MAPK6: variants seen among roughly 807,000 people sequenced by gnomAD.
MAPK6 encodes mitogen-activated protein kinase 6.
In MAPK6, 19 loss-of-function variants were observed where a neutral mutation model predicts 59.3. The observed-to-expected ratio is 0.32, with a 90% CI of 0.22 to 0.47. The LOEUF is 0.47. Ranked by LOEUF, MAPK6 falls within the 20% of genes least tolerant of loss-of-function variation. The pLI, the probability that MAPK6 is intolerant of heterozygous loss-of-function variation, is 1.00. For synonymous variants in MAPK6, 316 were observed against 290.3 expected (o/e 1.09, Z -0.90); for missense variants, 724 against 847.9 (o/e 0.85, Z 1.81).
intron 1 of MAPK6, among the ~76,000 whole-genome samples, chr15:52,025,036 C>T (rs758762281): frequency 3.3e-5 from 5 of 151,910 alleles, no homozygotes; most frequent in African/African-American, 1.2e-4. Context: ...CACTGCTAAA[C>T]GATGCATACA....
chr15:51,998,201 C>G (rs1412711924), intron 2 of MAPK6, among the ~76,000 whole-genome samples: 5 of 151,932 alleles, frequency 3.3e-5, no homozygotes, highest in African/African-American at 1.2e-4. Context: ...CTTGGACTCC[C>G]AAGGTGCTGA....
At chr15:51,998,686 A>AGTTTTTTTTTTTTTTTTTTTT in intron 2 of MAPK6, among the ~76,000 whole-genome samples, 1 of 12,204 alleles carries the variant, frequency 8.2e-5, no homozygotes, top group Non-Finnish European at 3.0e-4. Flanking sequence ...ATGCCTGGTT[A>AGTTTTTTTTTTTTTTTTTTTT]ATTTTTTTTT....
rs149260194 is a variant in MAPK6 at position 52,049,308 on chromosome 15, G to A, written c.556-685G>A. ...CTCAAGACTGAGTGTAAACCAGCTCGTCTTCTGAAAAATGCTTTGAATGTG... is the reference window on the plus strand; with the variant it reads ...CTCAAGACTGAGTGTAAACCAGCTCATCTTCTGAAAAATGCTTTGAATGTG... On this transcript the variant is annotated intron_variant, in intron 2 of 5. Coordinates refer to ENST00000261845, the MANE Select transcript of MAPK6 (RefSeq NM_002748.4). Among the ~76,000 whole-genome samples the A allele has an allele frequency of 1.7e-3, 258 of 149,718 alleles. 7 individuals are homozygous for A. The East Asian group carries it at 0.042, about 24-fold the overall frequency.
intron 2 of MAPK6, among the ~76,000 whole-genome samples, chr15:51,998,951 G>A (rs9989264): frequency 0.92 from 137,273 of 148,446 alleles, 64,228 homozygotes; most frequent in Non-Finnish European, 1. Flanking sequence ...CAGCCTCCCA[G>A]AGTGCTGGGA....
chr15:51,992,607 C>T (rs1595960226), intron 2 of MAPK6, among the ~76,000 whole-genome samples: 1 of 151,974 alleles, frequency 6.6e-6, no homozygotes, highest in East Asian at 1.9e-4. Context: ...CACAGCCAAG[C>T]CGTCCCCCAT....
intron 2 of MAPK6, among the ~76,000 whole-genome samples, chr15:51,993,652 A>G (rs2057216204): frequency 6.6e-6 from 1 of 152,154 alleles, no homozygotes; most frequent in Non-Finnish European, 1.5e-5. Context: ...ATATATATAA[A>G]TGCTCACATA....
At chr15:52,004,805 C>T (rs1039540251) in intron 3 of MAPK6, among the ~76,000 whole-genome samples, 3 of 152,146 alleles carry the variant, frequency 2.0e-5, no homozygotes, top group Admixed American at 6.6e-5. Flanking sequence ...TCCAATTAGG[C>T]CCCACCTCCC....
rs1444641178 is a variant in MAPK6, at chr15:52,049,973, G to GT, written c.556-14dup. 6 of 1,600,550 alleles carry GT rather than the reference G, an allele frequency of 3.7e-6. No individual in the cohort carries two copies. Among genetic ancestry groups the GT allele is most frequent in the African/African-American group, 1.3e-5 (1 of 74,488 alleles). On this transcript the variant is annotated intron_variant, in intron 2 of 5. Transcript: ENST00000261845. The stretch of plus-strand genomic sequence containing the variant: ...TCTTCAGCTAAAGTAAAAAAAGTAT[G>GT]TTTTTTGTTTCTTTTATAGGGTCAT...
intron 2 of MAPK6, among the ~76,000 whole-genome samples, chr15:51,986,228 G>A (rs2057190772): frequency 6.6e-6 from 1 of 152,104 alleles, no homozygotes; most frequent in Non-Finnish European, 1.5e-5. Flanking sequence ...CATGAGAACA[G>A]CAAGAAGAAA....
Position 52,063,972 on chromosome 15 carries a change from C to G in MAPK6, c.1138C>G (p.Leu380Val), listed in dbSNP as rs1475929459. The change falls in exon 6 of 6, where the codon CTT (leucine) becomes GTT (valine). Residue 380 changes from leucine (L) to valine (V), a missense_variant. By Grantham distance (32) the Leu-to-Val change is conservative (BLOSUM62 1). Around this residue, in one of 4 missense-constraint regions of MAPK6, gnomAD observed 502 missense variants for 507.6 expected, o/e 0.99. Coordinates refer to ENST00000261845, the MANE Select transcript of MAPK6 (RefSeq NM_002748.4). ...HNNFDIDEVQ[L>V]DPRALSDVTD... ...CAACTTTGATATTGATGAAGTTCAG[C>G]TTGATCCAAGAGCTCTGTCCGATGT... 1 of 1,610,340 alleles carries G rather than the reference C, an allele frequency of 6.2e-7. No homozygotes were observed. The highest frequency in any genetic ancestry group is 1.3e-5 in the African/African-American group (1 of 74,796).
rs373156904 is a variant in MAPK6 at position 51,976,042 on chromosome 15, G to A, written c.-880+4136G>A. Among the ~76,000 whole-genome samples, 637 of 151,710 alleles carry A rather than the reference G, an allele frequency of 4.2e-3. 11 individuals carry two copies. Among genetic ancestry groups the A allele is most frequent in the Non-Finnish European group, 6.5e-3 (441 of 67,862 alleles). On this transcript the variant is annotated intron_variant, in intron 1 of 7. Transcript: ENST00000691380. ...AGCACTTTGGGAGGCCGAGGCGGGC[G>A]GATCACGAGGTCAGGAAAGCAAGAC...
intron 2 of MAPK6, among the ~76,000 whole-genome samples, chr15:51,984,456 T>C (rs1455375976): frequency 7.6e-6 from 1 of 131,350 alleles, no homozygotes; most frequent in Admixed American, 7.6e-5. Context: ...AATTTTTTTT[T>C]TTTTTTTTTT....
chr15:52,041,907 T>G (rs900234709), intron 1 of MAPK6, among the ~76,000 whole-genome samples: 2 of 152,218 alleles, frequency 1.3e-5, no homozygotes, highest in Non-Finnish European at 2.9e-5. Context: ...ACTTTTCTTT[T>G]TAAAAAAATT....
At chr15:52,023,194 A>G (rs2030613278) in intron 1 of MAPK6, among the ~76,000 whole-genome samples, 1 of 151,750 alleles carries the variant, frequency 6.6e-6, no homozygotes, top group Non-Finnish European at 1.5e-5. Flanking sequence ...CTGCTTTATG[A>G]AATGCTGAGC....
At position 52,046,238 on chromosome 15, in the gene MAPK6, C is replaced by G; in HGVS notation, c.-223C>G. 2.2e-6 allele frequency: 1 copy of G among 454,308 alleles called. No homozygotes were observed. The highest frequency in any genetic ancestry group is 3.4e-5 in the South Asian group (1 of 29,716). 28.1% of individuals were successfully genotyped at this position (454,308 alleles called of 1,614,324 possible). A position where few individuals can be genotyped will look rare whatever the true frequency, so the allele number is the denominator to read the frequency against. On this transcript the variant is annotated 5_prime_UTR_variant, in exon 2 of 6. It adds an upstream start codon to the 5' untranslated region. Coordinates refer to ENST00000261845, the MANE Select transcript of MAPK6 (RefSeq NM_002748.4). Reference sequence around the variant, plus strand: ...TTTCTTGAACTATGAGTACTGCAATCTTTTTAATTCTCAATATGAATAGAG... The same window carrying G: ...TTTCTTGAACTATGAGTACTGCAATGTTTTTAATTCTCAATATGAATAGAG...
At chr15:52,058,895 T>A in intron 4 of MAPK6, 98 bp downstream of exon 4, 1 of 1,001,312 alleles carries the variant, frequency 1.0e-6, no homozygotes, top group Non-Finnish European at 1.4e-6. Flanking sequence ...TATGGGGCTT[T>A]CTCCAAAATA....
chr15:52,011,830 G>A (rs548738531), intron 3 of MAPK6, among the ~76,000 whole-genome samples: 23 of 152,294 alleles, frequency 1.5e-4, no homozygotes, highest in African/African-American at 5.3e-4. Flanking sequence ...AAATTACAAC[G>A]TGTTCTTCTA....
At chr15:52,054,775 TAC>T (rs1376396085) in intron 3 of MAPK6, among the ~76,000 whole-genome samples, 5 of 147,176 alleles carry the variant, frequency 3.4e-5, no homozygotes, top group African/African-American at 1.3e-4. Context: ...GATACACACA[TAC>T]ATATATATAT....
chr15:52,063,811 C>A, intron 5 of MAPK6, 91 bp from the exon 6 acceptor site: 1 of 1,170,390 alleles, frequency 8.5e-7, no homozygotes, highest in Non-Finnish European at 1.2e-6. Context: ...CCTCATAGAC[C>A]TAGCACAGTG....
Sources: allele counts gnomAD v4.1 joint callset (sites outside exome capture counted in the v4.1 genomes callset), GRCh38; gene constraint gnomAD v4.1.1; regional missense constraint gnomAD v4.1.1; transcripts MANE v1.5; gene names NCBI Gene and HGNC (gene_info 2026-07-23, HGNC 2026-07-21).